The following IKBKE variants were observed in gnomAD, a reference collection of about 807,000 sequenced individuals.
IKBKE encodes inhibitor of nuclear factor kappa-B kinase subunit epsilon.
In IKBKE, 45 loss-of-function variants were observed where a neutral mutation model predicts 92.1. The observed-to-expected ratio is 0.49, with a 90% confidence interval of 0.38 to 0.63. IKBKE has a LOEUF of 0.63. IKBKE is among the 20% of genes least tolerant of loss of function. IKBKE has a pLI of 0.00. For synonymous variants in IKBKE, 374 were observed against 380.3 expected (o/e 0.98, Z 0.19); for missense variants, 700 against 932.8 (o/e 0.75, Z 3.25).
At position 206,490,760 on chromosome 1, in the gene IKBKE, T is replaced by C; in HGVS notation, c.1694-59T>C. ...CTTTTAACTGTCTCTCGACCTTTGC[T>C]GCACACTGTTTCGTTGACTGATTGA... On this transcript the variant is annotated intron_variant, in intron 16 of 21. Coordinates refer to ENST00000581977, the MANE Select transcript of IKBKE (RefSeq NM_014002.4). This position sits in a 1 kb window ranked among gnomAD's most constrained non-coding sequence, Gnocchi z 5.2. 1 of 1,552,712 alleles carries C rather than the reference T, an allele frequency of 6.4e-7. No individual in the cohort carries two copies. The highest frequency in any genetic ancestry group is 8.9e-7 in the Non-Finnish European group (1 of 1,123,910).
At chr1:206,493,645 C>T (rs1040898497) in intron 20 of IKBKE, among the ~76,000 whole-genome samples, 4 of 152,124 alleles carry the variant, frequency 2.6e-5, no homozygotes, top group Non-Finnish European at 5.9e-5. Flanking sequence ...AAAATTTAGC[C>T]GGGTGTGGTG....
intron 2 of IKBKE, chr1:206,472,832 A>G: frequency 3.8e-6 from 1 of 264,342 alleles, no homozygotes; most frequent in Non-Finnish European, 7.3e-6. Flanking sequence ...TCAAGCCTGG[A>G]TGCCAAAACC....
chr1:206,473,282 G>C lies in IKBKE; in HGVS notation c.55G>C (p.Ala19Pro). The change falls in exon 3 of 22, where the codon GCC becomes CCC. Residue 19 changes from alanine (A) to proline (P), a missense_variant. Ala to Pro is a conservative substitution (Grantham distance 27, BLOSUM62 -1). Transcript: ENST00000581977. ...CACAGATGACCTGCTGGGGCAGGGG[G>C]CCACTGCCAGTGTGTACAAGGCCCG... Reference protein sequence around the residue: ...WHTDDLLGQGATASVYKARNK... With the variant: ...WHTDDLLGQGPTASVYKARNK... 1 of 1,612,830 alleles carries C rather than the reference G, an allele frequency of 6.2e-7. No individual in the cohort carries two copies. Among genetic ancestry groups the C allele is most frequent in the Non-Finnish European group, 8.5e-7 (1 of 1,179,524 alleles).
In IKBKE at chr1:206,496,629, C is replaced by T. The variant is rs1471001409; in HGVS notation, c.*484C>T. On this transcript the variant is annotated 3_prime_UTR_variant, in exon 22 of 22. Transcript: ENST00000581977. ...ATGTTGAACACAGCTCTCTCCGCTC[C>T]CTTGTGATTTCTGAGGGTCACCACT... 2.6e-5 allele frequency: 6 copies of T among 234,818 alleles called. No individual in the cohort carries two copies. The highest frequency in any genetic ancestry group is 5.6e-5 in the Admixed American group (1 of 17,854). 14.5% of individuals were successfully genotyped at this position (234,818 alleles called of 1,614,324 possible). A position where few individuals can be genotyped will look rare whatever the true frequency, so the allele number is the denominator to read the frequency against.
At position 206,476,483 on chromosome 1, in the gene IKBKE, C is replaced by T. The variant is rs1572240525; in HGVS notation, c.540+121C>T. On this transcript the variant is annotated intron_variant, in intron 6 of 21. Transcript: ENST00000581977. This position sits in a 1 kb window ranked among gnomAD's most constrained non-coding sequence, Gnocchi z 5.1. ...CTGCTTCCACAGGAGTTATGTCTCT[C>T]CCCTGTACCCCAACCAGAAGAATGC... The T allele has an allele frequency of 8.6e-7, 1 of 1,163,564 alleles. No homozygotes were observed. Among genetic ancestry groups the T allele is most frequent in the Non-Finnish European group, 1.2e-6 (1 of 807,366 alleles). 72.1% of individuals were successfully genotyped at this position (1,163,564 alleles called of 1,614,324 possible).
Position 206,476,507 on chromosome 1 carries a change from G to A in IKBKE, c.540+145G>A. Reference sequence around the variant, plus strand: ...TCCCCTGTACCCCAACCAGAAGAATGCATTCTGTTCTCTAAGATGGAAAAG... The same window carrying A: ...TCCCCTGTACCCCAACCAGAAGAATACATTCTGTTCTCTAAGATGGAAAAG... On this transcript the variant is annotated intron_variant, in intron 6 of 21. Transcript: ENST00000581977. The surrounding 1 kb of genome is among the most constrained non-coding windows in gnomAD (Gnocchi z 5.1). 2.7e-6 allele frequency: 3 copies of A among 1,111,532 alleles called. No homozygotes were observed. The highest frequency in any genetic ancestry group is 3.9e-6 in the Non-Finnish European group (3 of 766,806). The allele number at this position is 1,111,532 out of a possible 1,614,324, so 68.9% of individuals were successfully genotyped here. A position where few individuals can be genotyped will look rare whatever the true frequency, so the allele number is the denominator to read the frequency against.
chr1:206,484,984 T>G lies in IKBKE; in HGVS notation c.1428-13T>G. 1 of 1,612,708 alleles carries G rather than the reference T, an allele frequency of 6.2e-7. No individual in the cohort carries two copies. Among genetic ancestry groups the G allele is most frequent in the Non-Finnish European group, 8.5e-7 (1 of 1,179,108 alleles). On this transcript the variant is annotated splice_polypyrimidine_tract_variant and intron_variant, in intron 13 of 21. Transcript: ENST00000581977. Reference sequence around the variant, plus strand: ...AGCCCCCAAATGTGGCCTTTCTCTTTGCTTCCCTCAAGGTTCAGCAGCGTG... The same window carrying G: ...AGCCCCCAAATGTGGCCTTTCTCTTGGCTTCCCTCAAGGTTCAGCAGCGTG...
intron 2 of IKBKE, among the ~76,000 whole-genome samples, chr1:206,472,255 T>TA (rs1173392739): frequency 1.3e-4 from 20 of 150,986 alleles, no homozygotes; most frequent in African/African-American, 4.1e-4. Context: ...TACGTCAAAA[T>TA]AAAAAAAAGA....
intron 16 of IKBKE, among the ~76,000 whole-genome samples, chr1:206,488,617 C>T (rs371066955): frequency 9.2e-5 from 14 of 152,170 alleles, no homozygotes; most frequent in Non-Finnish European, 1.3e-4. Flanking sequence ...AGGGAGCCTG[C>T]GGAGGCTCCA....
rs1305738201 is a variant in IKBKE, at chr1:206,474,525, G to A, written c.228+54G>A. The A allele has an allele frequency of 2.0e-6, 3 of 1,508,976 alleles. No individual in the cohort carries two copies. In the African/African-American group the frequency reaches 4.1e-5, roughly 21 times the overall value. 93.5% of individuals were successfully genotyped at this position (1,508,976 alleles called of 1,614,324 possible). ...TCTTGTCCTTGACCCTTATGGTCTG[G>A]GGAGAATCAGGCCACATGATAACAG... On this transcript the variant is annotated intron_variant, in intron 4 of 21. Transcript: ENST00000581977.
chr1:206,475,025 T>G lies in IKBKE; in HGVS notation c.358+31T>G, dbSNP rs782402615. ...CCCCTCCCTGTCCCTGCCTCCACCC[T>G]CAGACCAGCGGCAGGCCTGGGACAG... On this transcript the variant is annotated intron_variant, in intron 5 of 21. Coordinates refer to ENST00000581977, the MANE Select transcript of IKBKE (RefSeq NM_014002.4). The G allele has an allele frequency of 9.9e-6, 16 of 1,611,918 alleles. No homozygotes were observed. The Admixed American group carries it at 2.7e-4, about 27-fold the overall frequency.
At position 206,494,009 on chromosome 1, in the gene IKBKE, T is replaced by C. The variant is rs1184475851; in HGVS notation, c.2117+18T>C. 4 of 1,611,212 alleles carry C rather than the reference T, an allele frequency of 2.5e-6. No homozygotes were observed. Among genetic ancestry groups the C allele is most frequent in the African/African-American group, 2.7e-5 (2 of 74,848 alleles). Reference sequence around the variant, plus strand: ...ATCGAACGGTAAGGAGCTTTCACCTTGTGTAGGTCAGGGCCGGGTCTTCAA... The same window carrying C: ...ATCGAACGGTAAGGAGCTTTCACCTCGTGTAGGTCAGGGCCGGGTCTTCAA... On this transcript the variant is annotated intron_variant, in intron 21 of 21. Coordinates refer to ENST00000581977, the MANE Select transcript of IKBKE (RefSeq NM_014002.4).
Position 206,476,206 on chromosome 1 carries a change from G to C in IKBKE, c.384G>C (p.Glu128Asp). Residue 128 changes from glutamate (E) to aspartate (D), a missense_variant, in exon 6 of 22, where the codon GAG becomes GAC. Transcript: ENST00000581977. This position sits in a 1 kb window ranked among gnomAD's most constrained non-coding sequence, Gnocchi z 5.1. ...CVVAGMNHLR[E>D]NGIVHRDIKP... Reference sequence around the variant, plus strand: ...TGGCCGGCATGAACCACCTGCGGGAGAACGGCATTGTGCATCGCGACATCA... The same window carrying C: ...TGGCCGGCATGAACCACCTGCGGGACAACGGCATTGTGCATCGCGACATCA... 2 of 1,614,136 alleles carry C rather than the reference G, an allele frequency of 1.2e-6. No homozygotes were observed. Among genetic ancestry groups the C allele is most frequent in the Non-Finnish European group, 1.7e-6 (2 of 1,180,022 alleles).
At chr1:206,494,268 A>G (rs1042233254) in intron 21 of IKBKE, among the ~76,000 whole-genome samples, 1 of 152,174 alleles carries the variant, frequency 6.6e-6, no homozygotes, top group African/African-American at 2.4e-5. Context: ...TCTGCACTCC[A>G]TATGTACTCT....
intron 16 of IKBKE, among the ~76,000 whole-genome samples, chr1:206,489,961 C>T (rs1385360327): frequency 6.6e-6 from 1 of 152,190 alleles, no homozygotes; most frequent in Non-Finnish European, 1.5e-5. Context: ...GCCCGGTGGT[C>T]TTCAGGCTCT....
At chr1:206,494,071 C>T (rs1384286276) in intron 21 of IKBKE, 80 bp downstream of exon 21, 2 of 1,204,736 alleles carry the variant, frequency 1.7e-6, no homozygotes, top group Non-Finnish European at 2.4e-6. Context: ...AGTCCCCAAG[C>T]CTGCCCATGC....
intron 5 of IKBKE, among the ~76,000 whole-genome samples, chr1:206,475,940 C>T (rs1370038053): frequency 1.2e-4 from 18 of 152,074 alleles, no homozygotes; most frequent in Non-Finnish European, 1.8e-4. Context: ...CTTGAGGACA[C>T]AGAGCCACCA....
At chr1:206,493,894 G>A (rs201847557) in intron 20 of IKBKE, 26 bp from the exon 21 acceptor site, 308 of 1,608,990 alleles carry the variant, frequency 1.9e-4, no homozygotes, top group Non-Finnish European at 2.4e-4. Flanking sequence ...AGCCTCAGCC[G>A]CCTCTCCTGC....
intron 4 of IKBKE, 87 bp downstream of exon 4, chr1:206,474,558 G>A: frequency 7.3e-7 from 1 of 1,367,086 alleles, no homozygotes; most frequent in Non-Finnish European, 1.0e-6. Context: ...CAGAGATTTG[G>A]TCCCATGCTC....
Sources: gnomAD v4.1 joint callset for allele counts (sites outside exome capture counted in the v4.1 genomes callset) on GRCh38, gnomAD v4.1.1 for gene constraint, Gnocchi (gnomAD v3.1) non-coding constraint, MANE v1.5 for transcripts, NCBI Gene and HGNC (gene_info 2026-07-23, HGNC 2026-07-21) for gene names.